The following HS6ST3 variants were observed in gnomAD, a reference collection of about 807,000 sequenced individuals.
The protein encoded by HS6ST3 is heparan-sulfate 6-O-sulfotransferase 3.
Under a neutral mutation model 36.7 loss-of-function variants are expected in HS6ST3, and 12 were observed. The observed-to-expected ratio is 0.33, with a 90% confidence interval of 0.21 to 0.53. HS6ST3 has a LOEUF of 0.53. Among genes scored for constraint, HS6ST3 ranks in the 20% least tolerant of loss-of-function variants. HS6ST3 has a pLI of 0.95. For synonymous variants in HS6ST3, 240 were observed against 257.5 expected (o/e 0.93, Z 0.65); for missense variants, 584 against 640.9 (o/e 0.91, Z 0.96).
intron 1 of HS6ST3, among the ~76,000 whole-genome samples, chr13:96,375,890 A>G (rs1001957447): frequency 1.3e-5 from 2 of 152,170 alleles, no homozygotes; most frequent in Non-Finnish European, 2.9e-5. Context: ...TCTGTGTATA[A>G]ATTTTTAAGG....
At chr13:96,532,139 G>A (rs2056138169) in intron 1 of HS6ST3, among the ~76,000 whole-genome samples, 1 of 152,156 alleles carries the variant, frequency 6.6e-6, no homozygotes, top group Non-Finnish European at 1.5e-5. Context: ...CCTTTCCTGG[G>A]AAGCTAGGAA....
intron 1 of HS6ST3, among the ~76,000 whole-genome samples, chr13:96,614,324 A>AT (rs1566411767): frequency 2.7e-4 from 33 of 123,756 alleles, no homozygotes; most frequent in Non-Finnish European, 2.9e-4. Flanking sequence ...AAAAAAAAAA[A>AT]AAAACAGTTA....
At chr13:96,469,870 A>G (rs2055832600) in intron 1 of HS6ST3, among the ~76,000 whole-genome samples, 1 of 152,150 alleles carries the variant, frequency 6.6e-6, no homozygotes, top group Non-Finnish European at 1.5e-5. Context: ...ACACTTACAA[A>G]AATTTCTGTG....
chr13:96,647,197 C>T (rs1232742747), intron 1 of HS6ST3, among the ~76,000 whole-genome samples: 1 of 151,992 alleles, frequency 6.6e-6, no homozygotes, highest in Non-Finnish European at 1.5e-5. Context: ...AATCAGAATA[C>T]TTAATTTGAC....
intron 1 of HS6ST3, among the ~76,000 whole-genome samples, chr13:96,418,868 C>A (rs2055548124): frequency 6.6e-6 from 1 of 152,218 alleles, no homozygotes; most frequent in South Asian, 2.1e-4. Context: ...CTTCAGAAAC[C>A]TGCCGGCCTT....
At chr13:96,433,438 G>A (rs2055626170) in intron 1 of HS6ST3, among the ~76,000 whole-genome samples, 1 of 152,242 alleles carries the variant, frequency 6.6e-6, no homozygotes, top group East Asian at 1.9e-4. Flanking sequence ...CCTGGGGTTG[G>A]TTTCCCCTAT....
At chr13:96,704,802 A>G (rs1260133665) in intron 1 of HS6ST3, among the ~76,000 whole-genome samples, 1 of 152,172 alleles carries the variant, frequency 6.6e-6, no homozygotes, top group Non-Finnish European at 1.5e-5. Flanking sequence ...CACAACTATA[A>G]TACGTAGGTA....
chr13:96,598,612 C>T (rs1346085847), intron 1 of HS6ST3, among the ~76,000 whole-genome samples: 2 of 152,046 alleles, frequency 1.3e-5, no homozygotes, highest in African/African-American at 2.4e-5. Context: ...AAGGTCATAT[C>T]ATCAGCAAAC....
rs1191585765 is a variant in HS6ST3, at chr13:96,444,093, G to T, written c.707+352524G>T. Among the ~76,000 whole-genome samples the T allele has an allele frequency of 3.3e-5, 5 of 152,152 alleles. 1 individual carries two copies. The highest frequency in any genetic ancestry group is 9.7e-5 in the African/African-American group (4 of 41,422). ...AAAAGCTGAGAGATGGCAGGGATGA[G>T]GACCGGTGGAGAAAAGTATAGAGTG... is the stretch of plus-strand genomic sequence containing the variant. On this transcript the variant is annotated intron_variant, in intron 1 of 1. Transcript: ENST00000376705.
At chr13:96,587,549 A>G (rs751058692) in intron 1 of HS6ST3, among the ~76,000 whole-genome samples, 14 of 152,236 alleles carry the variant, frequency 9.2e-5, no homozygotes, top group Non-Finnish European at 1.9e-4. Context: ...TACAAGATGG[A>G]TGGCATCACG....
chr13:96,768,145 T>G (rs1017555704), intron 1 of HS6ST3, among the ~76,000 whole-genome samples: 7 of 152,176 alleles, frequency 4.6e-5, no homozygotes, highest in Non-Finnish European at 1.0e-4. Context: ...AAGAATGCTT[T>G]CATTATTTTT....
intron 1 of HS6ST3, among the ~76,000 whole-genome samples, chr13:96,197,171 AC>A (rs908495115): frequency 6.6e-6 from 1 of 152,240 alleles, no homozygotes; most frequent in African/African-American, 2.4e-5. Flanking sequence ...ATAAAGACAT[AC>A]CCGAGACTGG....
chr13:96,665,673 C>T (rs968513135), intron 1 of HS6ST3, among the ~76,000 whole-genome samples: 3 of 152,034 alleles, frequency 2.0e-5, no homozygotes, highest in African/African-American at 7.2e-5. Context: ...AATAAACAGG[C>T]CTGATTTGAA....
intron 1 of HS6ST3, among the ~76,000 whole-genome samples, chr13:96,746,638 G>T (rs993362394): frequency 3.3e-5 from 5 of 152,006 alleles, no homozygotes; most frequent in African/African-American, 1.2e-4. Flanking sequence ...AATTATAAAT[G>T]TTTGAGTCAT....
intron 1 of HS6ST3, among the ~76,000 whole-genome samples, chr13:96,435,943 A>C (rs573712029): frequency 1.3e-5 from 2 of 152,318 alleles, no homozygotes; most frequent in Admixed American, 1.3e-4. Context: ...GTAGCTCCCA[A>C]GTGCCATGTC....
At chr13:96,718,008 A>G (rs1011041409) in intron 1 of HS6ST3, among the ~76,000 whole-genome samples, 2 of 152,072 alleles carry the variant, frequency 1.3e-5, no homozygotes, top group Non-Finnish European at 2.9e-5. Context: ...GCTTTACCCC[A>G]GTCTCCCTGT....
rs117253517 is a variant in HS6ST3, at chr13:96,790,080, G to A, written c.708-42410G>A. Among the ~76,000 whole-genome samples the A allele has an allele frequency of 2.9e-3, 433 of 151,844 alleles. 1 individual carries two copies. The highest frequency in any genetic ancestry group is 5.3e-3 in the Non-Finnish European group (360 of 67,888). On this transcript the variant is annotated intron_variant, in intron 1 of 1. Coordinates refer to ENST00000376705, the MANE Select transcript of HS6ST3 (RefSeq NM_153456.4). ...TGGTATTTTCCTGTGAGTCCACAAGGCACTGGTTGCATTTCTCAATTTCTC... is the reference window on the plus strand; with the variant it reads ...TGGTATTTTCCTGTGAGTCCACAAGACACTGGTTGCATTTCTCAATTTCTC...
At chr13:96,203,852 T>C (rs962060990) in intron 1 of HS6ST3, among the ~76,000 whole-genome samples, 1 of 152,188 alleles carries the variant, frequency 6.6e-6, no homozygotes, top group African/African-American at 2.4e-5. Context: ...TTTGGTATTA[T>C]AAAAGAAATG....
At chr13:96,352,856 C>T (rs1184068173) in intron 1 of HS6ST3, among the ~76,000 whole-genome samples, 1 of 152,106 alleles carries the variant, frequency 6.6e-6, no homozygotes, top group Non-Finnish European at 1.5e-5. Context: ...CCTCCTGACA[C>T]CTCTGTGAAG....
Sources: gnomAD v4.1 joint callset for allele counts (sites outside exome capture counted in the v4.1 genomes callset) on GRCh38, gnomAD v4.1.1 for gene constraint, MANE v1.5 for transcripts, NCBI Gene and HGNC (gene_info 2026-07-23, HGNC 2026-07-21) for gene names.